The following NOVA1 variants were observed in gnomAD, a reference collection of about 807,000 sequenced individuals.
NOVA1 encodes NOVA alternative splicing regulator 1.
NOVA1 carries 7 observed loss-of-function variants against 38.0 expected under a neutral mutation model. That is an observed-to-expected ratio of 0.18 (90% CI 0.10 to 0.35). NOVA1 has a LOEUF of 0.35. Among genes scored for constraint, NOVA1 ranks in the 10% least tolerant of loss-of-function variants. NOVA1 has a pLI of 1.00. For synonymous variants in NOVA1, 270 were observed against 232.5 expected, an observed-to-expected ratio of 1.16 and a Z score of -1.47; for missense variants, 460 against 616.0, an observed-to-expected ratio of 0.75 and a Z score of 2.68.
At chr14:26,577,933 C>G (rs1892964013) in intron 2 of NOVA1, among the ~76,000 whole-genome samples, 1 of 150,966 alleles carries the variant, frequency 6.6e-6, no homozygotes, top group African/African-American at 2.4e-5. Context: ...TATTTAAATC[C>G]ATGATACTGG....
chr14:26,474,878 A>G lies in NOVA1; in HGVS notation c.448-2487T>C, dbSNP rs568350284. On this transcript the variant is annotated intron_variant, in intron 3 of 4. Coordinates refer to ENST00000539517, the MANE Select transcript of NOVA1 (RefSeq NM_002515.3). ...CAAGTTTTGCAGCTATTATTCATAT[A>G]AATACTTTTAAGCACAAAAAGACCC... is the stretch of plus-strand genomic sequence containing the variant. Among the ~76,000 whole-genome samples, 7 of 152,072 alleles carry G rather than the reference A, an allele frequency of 4.6e-5. No homozygotes were observed. The South Asian group carries it at 1.4e-3, about 31-fold the overall frequency.
chr14:26,507,821 T>TA (rs1887756476), intron 2 of NOVA1, among the ~76,000 whole-genome samples: 1 of 151,906 alleles, frequency 6.6e-6, no homozygotes, highest in Non-Finnish European at 1.5e-5. Flanking sequence ...AAATTCATCT[T>TA]AAAAAACCAC....
chr14:26,595,765 T>G (rs1772020920), intron 1 of NOVA1: 2 of 489,522 alleles, frequency 4.1e-6, no homozygotes, highest in African/African-American at 2.0e-5. Flanking sequence ...ATTTATACTT[T>G]CAAGCTTGGA....
At chr14:26,596,179 G>A (rs1463216727) in intron 1 of NOVA1, 2 of 233,764 alleles carry the variant, frequency 8.6e-6, no homozygotes, top group Non-Finnish European at 1.7e-5. Flanking sequence ...ACTAATCCTA[G>A]TGCATTTCTT....
At chr14:26,492,821 C>T (rs1886449102) in intron 2 of NOVA1, among the ~76,000 whole-genome samples, 3 of 151,500 alleles carry the variant, frequency 2.0e-5, no homozygotes, top group Admixed American at 2.0e-4. Flanking sequence ...AAAAATTAGC[C>T]AGGCATGGGG....
At chr14:26,566,921 T>C (rs1892168920) in intron 2 of NOVA1, among the ~76,000 whole-genome samples, 1 of 152,108 alleles carries the variant, frequency 6.6e-6, no homozygotes, top group African/African-American at 2.4e-5. Flanking sequence ...ACATTCAATT[T>C]TTCTCCCCCT....
intron 2 of NOVA1, among the ~76,000 whole-genome samples, chr14:26,501,296 G>A (rs1194219608): frequency 6.6e-6 from 1 of 151,890 alleles, no homozygotes; most frequent in African/African-American, 2.4e-5. Context: ...TAGTTTACTA[G>A]TACATCAGGG....
chr14:26,503,945 T>C (rs1225954009), intron 2 of NOVA1, among the ~76,000 whole-genome samples: 1 of 152,146 alleles, frequency 6.6e-6, no homozygotes, highest in Non-Finnish European at 1.5e-5. Context: ...CTTAAATATT[T>C]GCTCAATGTT....
chr14:26,543,352 T>C (rs981629794), intron 2 of NOVA1, among the ~76,000 whole-genome samples: 2 of 152,014 alleles, frequency 1.3e-5, no homozygotes, highest in Non-Finnish European at 2.9e-5. Flanking sequence ...GATTCATTAA[T>C]TAAGCATATA....
rs150541876 is a variant in NOVA1, at chr14:26,495,164, G to A, written c.281-15021C>T. On this transcript the variant is annotated intron_variant, in intron 2 of 4. Transcript: ENST00000539517. ...CACTGTTCCACTGGCTTTTCCCATAGCAGCCCCTTTCTCATCATAAAAGAC... is the reference window on the plus strand; with the variant it reads ...CACTGTTCCACTGGCTTTTCCCATAACAGCCCCTTTCTCATCATAAAAGAC... Among the ~76,000 whole-genome samples, 6 of 151,938 alleles carry A rather than the reference G, an allele frequency of 3.9e-5. No homozygotes were observed. The East Asian group carries it at 9.7e-4, about 25-fold the overall frequency.
chr14:26,450,375 C>T (rs975578367), intron 4 of NOVA1, among the ~76,000 whole-genome samples: 3 of 112,218 alleles, frequency 2.7e-5, no homozygotes, highest in Non-Finnish European at 6.3e-5. Context: ...TATATTTACA[C>T]ATATAATACA....
intron 2 of NOVA1, among the ~76,000 whole-genome samples, chr14:26,503,405 T>G (rs1204430949): frequency 6.6e-6 from 1 of 151,990 alleles, no homozygotes; most frequent in African/African-American, 2.4e-5. Flanking sequence ...AATCATCCAA[T>G]GCAAAAATAT....
At chr14:26,543,843 A>C (rs1246127994) in intron 2 of NOVA1, among the ~76,000 whole-genome samples, 3 of 152,016 alleles carry the variant, frequency 2.0e-5, no homozygotes, top group Non-Finnish European at 4.4e-5. Flanking sequence ...TCTAGGCTAC[A>C]GTTGGTAAGA....
In NOVA1 at chr14:26,445,340, A is replaced by T. The variant is rs919872179; in HGVS notation, c.*2619T>A. 3 of 152,210 alleles carry T rather than the reference A, an allele frequency of 2.0e-5. No homozygotes were observed. Among genetic ancestry groups the T allele is most frequent in the Non-Finnish European group, 4.4e-5 (3 of 68,038 alleles). 9.4% of individuals were successfully genotyped at this position (152,210 alleles called of 1,614,324 possible). A position where few individuals can be genotyped will look rare whatever the true frequency, so the allele number is the denominator to read the frequency against. On this transcript the variant is annotated 3_prime_UTR_variant, in exon 5 of 5. Coordinates refer to ENST00000539517, the MANE Select transcript of NOVA1 (RefSeq NM_002515.3). ...ATGGTCTATAAATTTCAGAGAATAA[A>T]TTTTTAAACAGCATGAAGCTGATTT...
chr14:26,500,673 C>G (rs1338959180), intron 2 of NOVA1, among the ~76,000 whole-genome samples: 1 of 151,864 alleles, frequency 6.6e-6, no homozygotes, highest in Non-Finnish European at 1.5e-5. Context: ...TGACCATATT[C>G]ATAAAATTCT....
chr14:26,585,032 T>C (rs913931493), intron 2 of NOVA1, among the ~76,000 whole-genome samples: 1 of 151,452 alleles, frequency 6.6e-6, no homozygotes, highest in Non-Finnish European at 1.5e-5. Context: ...TGTTCTCCAT[T>C]ACTTTTTAAA....
At chr14:26,474,585 T>C (rs1482869762) in intron 3 of NOVA1, among the ~76,000 whole-genome samples, 4 of 151,990 alleles carry the variant, frequency 2.6e-5, no homozygotes, top group Admixed American at 1.3e-4. Context: ...TCCCTAATAA[T>C]TGTGATGCTG....
intron 2 of NOVA1, among the ~76,000 whole-genome samples, chr14:26,494,555 A>G (rs1273884796): frequency 6.6e-6 from 1 of 152,200 alleles, no homozygotes; most frequent in Non-Finnish European, 1.5e-5. Context: ...CAAGTGCTAT[A>G]GTATTATGGC....
In NOVA1 at chr14:26,445,222, A is replaced by C. The variant is rs1881980442; in HGVS notation, c.*2737T>G. ...TCTCCATTTTGGATCAGTACAGCTG[A>C]ACAGCCATTGTTACATGCCTACCTG... is the stretch of plus-strand genomic sequence containing the variant. On this transcript the variant is annotated 3_prime_UTR_variant, in exon 5 of 5. Coordinates refer to ENST00000539517, the MANE Select transcript of NOVA1 (RefSeq NM_002515.3). The C allele has an allele frequency of 6.6e-6, 1 of 152,226 alleles. No homozygotes were observed. The highest frequency in any genetic ancestry group is 6.5e-5 in the Admixed American group (1 of 15,272). 9.4% of individuals were successfully genotyped at this position (152,226 alleles called of 1,614,324 possible). A position where few individuals can be genotyped will look rare whatever the true frequency, so the allele number is the denominator to read the frequency against.
Sources: allele counts gnomAD v4.1 joint callset (sites outside exome capture counted in the v4.1 genomes callset), GRCh38; gene constraint gnomAD v4.1.1; transcripts MANE v1.5; gene names NCBI Gene and HGNC (gene_info 2026-07-23, HGNC 2026-07-21).